TNRC6A: variants seen among roughly 807,000 people sequenced by gnomAD.
The protein encoded by TNRC6A is trinucleotide repeat containing adaptor 6A.
Under a neutral mutation model 221.2 loss-of-function variants are expected in TNRC6A, and 44 were observed. That is an observed-to-expected ratio of 0.20 (90% CI 0.16 to 0.26). The LOEUF (loss-of-function observed/expected upper bound fraction) is 0.26. Among genes scored for constraint, TNRC6A ranks in the 10% least tolerant of loss-of-function variants. The pLI is 1.00. For missense variants in TNRC6A, 2,199 were observed against 2,404.4 expected, an observed-to-expected ratio of 0.91 and a Z score of 1.79; for synonymous variants, 847 against 838.5, an observed-to-expected ratio of 1.01 and a Z score of -0.18.
rs929024118 is a variant in TNRC6A at position 24,795,861 on chromosome 16, C to T, written c.3529-46C>T. ...GTCTTCCAGTTCCAAACCCCATGTT[C>T]TTCCCACTGGACCATGCTGTTTTGT... On this transcript the variant is annotated intron_variant, in intron 8 of 24. Coordinates refer to ENST00000395799, the MANE Select transcript of TNRC6A (RefSeq NM_014494.4). 6 of 1,511,480 alleles carry T rather than the reference C, an allele frequency of 4.0e-6. No homozygotes were observed. In the African/African-American group the frequency reaches 8.4e-5, roughly 21 times the overall value. The allele number at this position is 1,511,480 out of a possible 1,614,324, so 93.6% of individuals were successfully genotyped here.
At chr16:24,646,665 A>G (rs966086540) in intron 2 of TNRC6A, among the ~76,000 whole-genome samples, 2 of 152,218 alleles carry the variant, frequency 1.3e-5, no homozygotes, top group Admixed American at 6.5e-5. Context: ...TTTTTTGGTC[A>G]GATGTAAAAG....
In TNRC6A at chr16:24,823,929, CTT is replaced by C; in HGVS notation, c.*124_*125del. ...ACAGCTATTCTCTGCACATTTTCCA[CTT>C]TGTTTTCCCCAAAACATATCAGTTT... On this transcript the variant is annotated 3_prime_UTR_variant, in exon 25 of 25. Transcript: ENST00000395799. The surrounding 1 kb of genome is among the most constrained non-coding windows in gnomAD (Gnocchi z 4.3). The C allele has an allele frequency of 1.9e-6, 2 of 1,036,226 alleles. No individual in the cohort carries two copies. Among genetic ancestry groups the C allele is most frequent in the Non-Finnish European group, 2.6e-6 (2 of 770,580 alleles). The allele number at this position is 1,036,226 out of a possible 1,614,324, so 64.2% of individuals were successfully genotyped here.
intron 2 of TNRC6A, among the ~76,000 whole-genome samples, chr16:24,745,900 C>T (rs1400322219): frequency 6.6e-6 from 1 of 151,138 alleles, no homozygotes; most frequent in Non-Finnish European, 1.5e-5. Flanking sequence ...ACTACACATT[C>T]ACTTAGATTT....
upstream of TNRC6A, among the ~76,000 whole-genome samples, chr16:24,727,956 G>T (rs1490399505): frequency 1.3e-5 from 2 of 150,708 alleles, no homozygotes; most frequent in Non-Finnish European, 3.0e-5. Context: ...TTTTTTATAT[G>T]CTCATCGCAA....
At chr16:24,712,359 T>C in intron 2 of TNRC6A, among the ~76,000 whole-genome samples, 1 of 152,220 alleles carries the variant, frequency 6.6e-6, no homozygotes, top group South Asian at 2.1e-4. Context: ...ATATATACAT[T>C]CTTAGCTTAT....
chr16:24,695,346 C>T (rs185496530), intron 2 of TNRC6A, among the ~76,000 whole-genome samples: 3 of 152,158 alleles, frequency 2.0e-5, no homozygotes, highest in Admixed American at 6.6e-5. Context: ...TCACAGAAGC[C>T]CAGTGCATAA....
intron 2 of TNRC6A, among the ~76,000 whole-genome samples, chr16:24,695,619 C>T (rs1321560941): frequency 1.3e-5 from 2 of 151,972 alleles, no homozygotes; most frequent in South Asian, 2.1e-4. Context: ...AGGCTGGTCT[C>T]GAACTCCTGA....
intron 2 of TNRC6A, among the ~76,000 whole-genome samples, chr16:24,650,768 G>A (rs1029195118): frequency 3.3e-5 from 5 of 152,094 alleles, no homozygotes; most frequent in African/African-American, 1.2e-4. Context: ...ACACGCACAC[G>A]CCTGCCATGT....
At chr16:24,657,531 G>A (rs1307730175) in intron 2 of TNRC6A, among the ~76,000 whole-genome samples, 1 of 151,886 alleles carries the variant, frequency 6.6e-6, no homozygotes, top group Admixed American at 6.6e-5. Context: ...CCAACATGGT[G>A]AAACCCCGTT....
chr16:24,748,880 A>G (rs2057073150), intron 2 of TNRC6A, among the ~76,000 whole-genome samples: 1 of 151,834 alleles, frequency 6.6e-6, no homozygotes, highest in Admixed American at 6.6e-5. Context: ...TCTGCCTGAT[A>G]TTCCTTTTTT....
chr16:24,664,778 CACACACACACACACACA>C (rs2055118599), intron 2 of TNRC6A: 3 of 331,034 alleles, frequency 9.1e-6, no homozygotes, highest in South Asian at 8.8e-5. Context: ...ATCACACACA[CACACACACACACACACA>C]CACACACACA....
At chr16:24,772,146 A>G (rs2057625250) in intron 4 of TNRC6A, among the ~76,000 whole-genome samples, 2 of 152,202 alleles carry the variant, frequency 1.3e-5, no homozygotes, top group Admixed American at 6.5e-5. Context: ...GATTGTACAT[A>G]GTATTTTCTT....
At chr16:24,714,586 T>G (rs57446180) in intron 2 of TNRC6A, among the ~76,000 whole-genome samples, 4,947 of 152,184 alleles carry the variant, frequency 0.033, 163 homozygotes, top group African/African-American at 0.085. Flanking sequence ...ATTACAGGCA[T>G]AAGCCACTGC....
chr16:24,693,565 G>A (rs2055798533), intron 2 of TNRC6A, among the ~76,000 whole-genome samples: 2 of 152,088 alleles, frequency 1.3e-5, no homozygotes, highest in Non-Finnish European at 1.5e-5. Context: ...TCCAGCCTGG[G>A]TGACAGAGCG....
At chr16:24,801,742 T>C (rs1320590248) in intron 11 of TNRC6A, among the ~76,000 whole-genome samples, 3 of 152,160 alleles carry the variant, frequency 2.0e-5, no homozygotes, top group Non-Finnish European at 4.4e-5. Flanking sequence ...CCCAAAGCGC[T>C]GAGATTACAA....
intron 1 of TNRC6A, among the ~76,000 whole-genome samples, chr16:24,626,875 A>G (rs1901039715): frequency 6.7e-6 from 1 of 149,896 alleles, no homozygotes; most frequent in Non-Finnish European, 1.5e-5. Context: ...GAAGGTCTCG[A>G]TCTCCTGACC....
intron 1 of TNRC6A, among the ~76,000 whole-genome samples, chr16:24,621,502 C>T (rs560091462): frequency 1.1e-4 from 17 of 151,636 alleles, no homozygotes; most frequent in Admixed American, 3.3e-4. Flanking sequence ...GGAATTCAGG[C>T]GTGCGGCACC....
At chr16:24,616,468 T>C (rs997744897) in intron 1 of TNRC6A, among the ~76,000 whole-genome samples, 2 of 152,210 alleles carry the variant, frequency 1.3e-5, no homozygotes, top group Non-Finnish European at 2.9e-5. Context: ...TACAAATTTA[T>C]TAATGTTCAT....
chr16:24,652,511 C>T (rs911088769), intron 2 of TNRC6A, among the ~76,000 whole-genome samples: 1 of 152,158 alleles, frequency 6.6e-6, no homozygotes, highest in Non-Finnish European at 1.5e-5. Flanking sequence ...ACATTAAAAC[C>T]TCCAGACCTC....
Sources: allele counts gnomAD v4.1 joint callset (sites outside exome capture counted in the v4.1 genomes callset), GRCh38; gene constraint gnomAD v4.1.1; non-coding constraint Gnocchi (gnomAD v3.1); transcripts MANE v1.5; gene names NCBI Gene and HGNC (gene_info 2026-07-23, HGNC 2026-07-21).